The following SLX4IP variants were observed in gnomAD, a reference collection of about 807,000 sequenced individuals.
SLX4IP encodes SLX4 interacting protein.
SLX4IP carries 34 observed loss-of-function variants against 32.9 expected under a neutral mutation model. The observed-to-expected ratio is 1.03, with a 90% CI of 0.79 to 1.38. The LOEUF is 1.38. SLX4IP is among the 40% of genes most tolerant of loss of function. The probability of loss-of-function intolerance (pLI) is 0.00; values close to 1 mark genes in which losing one functional copy is unlikely to be tolerated. For synonymous variants in SLX4IP, 172 were observed against 171.7 expected (o/e 1.00, Z -0.01); for missense variants, 444 against 479.0 (o/e 0.93, Z 0.68).
intron 4 of SLX4IP, among the ~76,000 whole-genome samples, chr20:10,568,890 C>T (rs1483522856): frequency 6.6e-6 from 1 of 152,190 alleles, no homozygotes; most frequent in East Asian, 1.9e-4. Flanking sequence ...TAGATGTCAC[C>T]CTCTGGTGGA....
At chr20:10,448,002 G>T (rs913941618) in intron 1 of SLX4IP, among the ~76,000 whole-genome samples, 5 of 151,844 alleles carry the variant, frequency 3.3e-5, no homozygotes, top group African/African-American at 9.7e-5. Context: ...ACTGAACCCG[G>T]CCTCTACTTC....
At chr20:10,499,252 TTA>T (rs2065696269) in intron 2 of SLX4IP, among the ~76,000 whole-genome samples, 1 of 152,196 alleles carries the variant, frequency 6.6e-6, no homozygotes, top group Non-Finnish European at 1.5e-5. Flanking sequence ...TGAACTTTAC[TTA>T]CAATAAGAAA....
chr20:10,474,428 C>G (rs1328735077), intron 2 of SLX4IP, among the ~76,000 whole-genome samples: 8 of 152,190 alleles, frequency 5.3e-5, no homozygotes, highest in Admixed American at 1.3e-4. Context: ...TCATTAATGC[C>G]ATTTAATGAG....
At chr20:10,559,863 G>A (rs573384315) in intron 3 of SLX4IP, among the ~76,000 whole-genome samples, 4 of 152,220 alleles carry the variant, frequency 2.6e-5, no homozygotes, top group South Asian at 2.1e-4. Context: ...AGTGTAGTAC[G>A]TTTTTACAAA....
Position 10,524,354 on chromosome 20 carries a change from T to C in SLX4IP, c.28-31877T>C, listed in dbSNP as rs143112818. ...GTTCCACAGTGCCCAGGTTTACACATAACAGGCATAGCCATGCAGGGAGAC... is the reference window on the plus strand; with the variant it reads ...GTTCCACAGTGCCCAGGTTTACACACAACAGGCATAGCCATGCAGGGAGAC... On this transcript the variant is annotated intron_variant, in intron 2 of 7. Transcript: ENST00000334534. Among the ~76,000 whole-genome samples, 44 of 152,280 alleles carry C rather than the reference T, an allele frequency of 2.9e-4. 1 individual carries two copies. The East Asian group carries it at 8.1e-3, about 28-fold the overall frequency.
In SLX4IP at chr20:10,583,828, T is replaced by C. The variant is rs917292471; in HGVS notation, c.239-14847T>C. On this transcript the variant is annotated intron_variant, in intron 4 of 7. Transcript: ENST00000334534. Reference sequence around the variant, plus strand: ...GTATTTATATTACTAGTAAATACTGTTTAAGCAAAACAAAATTTAAAAGAC... The same window carrying C: ...GTATTTATATTACTAGTAAATACTGCTTAAGCAAAACAAAATTTAAAAGAC... 1.3e-5 allele frequency among the ~76,000 whole-genome samples: 2 copies of C among 152,214 alleles called. 1 individual carries two copies. The highest frequency in any genetic ancestry group is 1.3e-4 in the Admixed American group (2 of 15,282).
At chr20:10,523,653 C>T (rs1352100812) in intron 2 of SLX4IP, among the ~76,000 whole-genome samples, 1 of 152,232 alleles carries the variant, frequency 6.6e-6, no homozygotes, top group Non-Finnish European at 1.5e-5. Flanking sequence ...TGGCACGGTG[C>T]CCGGCACCAA....
chr20:10,569,050 G>A (rs1397012170), intron 4 of SLX4IP, among the ~76,000 whole-genome samples: 1 of 152,100 alleles, frequency 6.6e-6, no homozygotes, highest in South Asian at 2.1e-4. Context: ...CACTTGTAAC[G>A]TTATTGAAGG....
At chr20:10,532,045 C>T (rs1014237718) in intron 2 of SLX4IP, among the ~76,000 whole-genome samples, 2 of 152,290 alleles carry the variant, frequency 1.3e-5, no homozygotes, top group East Asian at 3.9e-4. Flanking sequence ...CAACTGCCAG[C>T]AGGAATTTGC....
chr20:10,460,740 A>C (rs1258392187), intron 2 of SLX4IP, among the ~76,000 whole-genome samples: 4 of 152,174 alleles, frequency 2.6e-5, no homozygotes, highest in Non-Finnish European at 2.9e-5. Context: ...TGCACTCTTG[A>C]CTTGAGAAGC....
intron 4 of SLX4IP, among the ~76,000 whole-genome samples, chr20:10,580,802 C>T (rs1002208356): frequency 3.3e-5 from 5 of 152,088 alleles, no homozygotes; most frequent in African/African-American, 1.2e-4. Flanking sequence ...TGGAACTCCT[C>T]TACTGAAATC....
intron 6 of SLX4IP, among the ~76,000 whole-genome samples, chr20:10,616,784 C>T (rs935217843): frequency 6.6e-6 from 1 of 152,164 alleles, no homozygotes; most frequent in African/African-American, 2.4e-5. Context: ...ACCCCATGGC[C>T]CTTTAGATGT....
rs898796621 is a variant in SLX4IP at position 10,594,875 on chromosome 20, C to G, written c.239-3800C>G. ...GGACTGTGGTTTGTCCTTTCTTTCT[C>G]TCATATGCATTACTGACCACCTCTC... is the stretch of plus-strand genomic sequence containing the variant. On this transcript the variant is annotated intron_variant, in intron 4 of 7. Coordinates refer to ENST00000334534, the MANE Select transcript of SLX4IP (RefSeq NM_001009608.3). Among the ~76,000 whole-genome samples, 4 of 152,196 alleles carry G rather than the reference C, an allele frequency of 2.6e-5. No individual in the cohort carries two copies. The South Asian group carries it at 8.3e-4, about 32-fold the overall frequency.
chr20:10,608,627 T>C (rs966785463), intron 6 of SLX4IP, among the ~76,000 whole-genome samples: 1 of 148,024 alleles, frequency 6.8e-6, no homozygotes, highest in African/African-American at 2.5e-5. Flanking sequence ...TGAGCCGAGA[T>C]TGCACCACTG....
At chr20:10,547,527 G>A (rs2066174409) in intron 2 of SLX4IP, among the ~76,000 whole-genome samples, 1 of 152,206 alleles carries the variant, frequency 6.6e-6, no homozygotes, top group Non-Finnish European at 1.5e-5. Context: ...TTGCAACCAA[G>A]GAAGTTTCCT....
chr20:10,607,619 G>T (rs753067199), intron 6 of SLX4IP, among the ~76,000 whole-genome samples: 14 of 152,250 alleles, frequency 9.2e-5, no homozygotes, highest in Non-Finnish European at 2.1e-4. Context: ...TCAGCAAGTG[G>T]CCTACGATGG....
rs201707834 is a variant in SLX4IP, at chr20:10,621,417, A to C, written c.506+3A>C. ...CGGAGAAATGCTCTGAAAGAAATGT[A>C]GGTGCAATGTGTTTCCTTTTTCTCA... On this transcript the variant is annotated splice_donor_region_variant and intron_variant, in intron 7 of 7. Coordinates refer to ENST00000334534, the MANE Select transcript of SLX4IP (RefSeq NM_001009608.3). The C allele has an allele frequency of 6.2e-7, 1 of 1,613,574 alleles. No homozygotes were observed. Among genetic ancestry groups the C allele is most frequent in the African/African-American group, 1.3e-5 (1 of 75,038 alleles).
chr20:10,474,865 C>T (rs982084894), intron 2 of SLX4IP, among the ~76,000 whole-genome samples: 6 of 152,226 alleles, frequency 3.9e-5, no homozygotes, highest in Admixed American at 6.5e-5. Flanking sequence ...CTCCCTCTGG[C>T]GCCACCATCC....
intron 2 of SLX4IP, among the ~76,000 whole-genome samples, chr20:10,474,005 T>G (rs2065451565): frequency 6.6e-6 from 1 of 152,096 alleles, no homozygotes; most frequent in Non-Finnish European, 1.5e-5. Flanking sequence ...GTATTTTTAG[T>G]AGAGATGGGA....
Sources: gnomAD v4.1 joint callset for allele counts (sites outside exome capture counted in the v4.1 genomes callset) on GRCh38, gnomAD v4.1.1 for gene constraint, MANE v1.5 for transcripts, NCBI Gene and HGNC (gene_info 2026-07-23, HGNC 2026-07-21) for gene names.